Variants in RORA observed in about 807,000 individuals in gnomAD.
RORA encodes the protein nuclear receptor ROR-alpha.
Under a neutral mutation model 69.5 loss-of-function variants are expected in RORA, and 7 were observed. The ratio of observed to expected loss-of-function variants is 0.10; its 90% CI spans 0.06 to 0.19. The LOEUF is 0.19. RORA is among the 10% of genes least tolerant of loss of function. RORA has a pLI of 1.00. For missense variants in RORA, 457 were observed against 663.0 expected (o/e 0.69, Z 3.41); for synonymous variants, 261 against 240.8 (o/e 1.08, Z -0.78).
intron 1 of RORA, among the ~76,000 whole-genome samples, chr15:60,823,836 A>G (rs891649625): frequency 2.6e-5 from 4 of 152,330 alleles, no homozygotes; most frequent in South Asian, 2.1e-4. Flanking sequence ...AACTTTGGCC[A>G]TAAGTGTGGC....
intron 1 of RORA, among the ~76,000 whole-genome samples, chr15:61,122,614 C>A (rs568890807): frequency 6.6e-6 from 1 of 151,996 alleles, no homozygotes; most frequent in Non-Finnish European, 1.5e-5. Flanking sequence ...CACTTTTTTT[C>A]AGATGAAAAA....
intron 1 of RORA, among the ~76,000 whole-genome samples, chr15:60,889,272 GGACT>G (rs1232534449): frequency 6.6e-6 from 1 of 151,552 alleles, no homozygotes; most frequent in Admixed American, 6.6e-5. Context: ...GCTTGTGCAG[GGACT>G]GACATCTAGG....
At chr15:60,850,172 C>T (rs546691120) in intron 1 of RORA, among the ~76,000 whole-genome samples, 10 of 152,280 alleles carry the variant, frequency 6.6e-5, no homozygotes, top group African/African-American at 1.7e-4. Context: ...CAGGCTGATG[C>T]CCTCACTCAT....
At chr15:60,501,177 A>G (rs2065319732) in intron 8 of RORA, 108 bp from the exon 9 acceptor site, 2 of 676,846 alleles carry the variant, frequency 3.0e-6, no homozygotes, top group Non-Finnish European at 5.3e-6. Flanking sequence ...AGAAGGTCTT[A>G]GGAGAAAAAC....
intron 1 of RORA, among the ~76,000 whole-genome samples, chr15:61,208,321 G>T (rs2079960225): frequency 1.3e-5 from 2 of 152,172 alleles, no homozygotes; most frequent in Admixed American, 6.6e-5. Flanking sequence ...CATAGTATAT[G>T]ATTCCACTTA....
chr15:60,819,527 G>A (rs2072860188), intron 1 of RORA, among the ~76,000 whole-genome samples: 1 of 152,146 alleles, frequency 6.6e-6, no homozygotes, highest in Non-Finnish European at 1.5e-5. Context: ...AAATGCAAAT[G>A]AGGTCAAGTT....
intron 1 of RORA, among the ~76,000 whole-genome samples, chr15:61,017,034 CATT>C (rs1319962319): frequency 6.6e-6 from 1 of 152,092 alleles, no homozygotes; most frequent in African/African-American, 2.4e-5. Context: ...TTATTATTAT[CATT>C]GATTACCATT....
chr15:60,896,210 C>A (rs1452622489), intron 1 of RORA, among the ~76,000 whole-genome samples: 2 of 152,162 alleles, frequency 1.3e-5, no homozygotes, highest in Non-Finnish European at 2.9e-5. Flanking sequence ...CTGGCAAGGC[C>A]ATTTTCCTGT....
At chr15:61,043,967 G>C (rs1896906673) in intron 1 of RORA, among the ~76,000 whole-genome samples, 1 of 152,094 alleles carries the variant, frequency 6.6e-6, no homozygotes, top group African/African-American at 2.4e-5. Flanking sequence ...GCAAAGCTGT[G>C]CTCAAAGGAT....
intron 1 of RORA, among the ~76,000 whole-genome samples, chr15:61,089,902 A>G (rs2078680646): frequency 6.6e-6 from 1 of 152,192 alleles, no homozygotes. Context: ...CCCAATTACC[A>G]GGCCAATGAC....
chr15:60,672,737 T>C (rs1030282649), intron 2 of RORA, among the ~76,000 whole-genome samples: 1 of 152,230 alleles, frequency 6.6e-6, no homozygotes, highest in East Asian at 1.9e-4. Flanking sequence ...CTAAAGCTGA[T>C]GAGCAGATTA....
intron 1 of RORA, among the ~76,000 whole-genome samples, chr15:61,072,401 T>C (rs2078380444): frequency 6.6e-6 from 1 of 152,094 alleles, no homozygotes; most frequent in Non-Finnish European, 1.5e-5. Flanking sequence ...GTGATGGAGG[T>C]AAAACTATTC....
chr15:60,723,774 C>A (rs190202016), intron 1 of RORA, among the ~76,000 whole-genome samples: 1 of 152,278 alleles, frequency 6.6e-6, no homozygotes, highest in Admixed American at 6.5e-5. Context: ...TTACTACATG[C>A]AAGATCTTGC....
chr15:60,733,319 G>T (rs997818842), intron 1 of RORA, among the ~76,000 whole-genome samples: 2 of 152,186 alleles, frequency 1.3e-5, no homozygotes, highest in Non-Finnish European at 2.9e-5. Flanking sequence ...ATGGGAATAA[G>T]GACAGTGGAG....
At chr15:60,898,634 G>T (rs1467654639) in intron 1 of RORA, among the ~76,000 whole-genome samples, 1 of 151,994 alleles carries the variant, frequency 6.6e-6, no homozygotes, top group African/African-American at 2.4e-5. Context: ...AGGAGTTTGA[G>T]GCTGCAGTGA....
chr15:60,503,705 G>T, intron 6 of RORA, 38 bp from the exon 7 acceptor site: 2 of 1,608,724 alleles, frequency 1.2e-6, no homozygotes, highest in Non-Finnish European at 1.7e-6. Context: ...CCTCCAGGAA[G>T]ATGTTAGCTT....
intron 2 of RORA, among the ~76,000 whole-genome samples, chr15:60,566,692 T>C (rs1284109996): frequency 6.6e-6 from 1 of 152,178 alleles, no homozygotes; most frequent in East Asian, 1.9e-4. Context: ...TTCGGGAAGA[T>C]TATTTGTCAT....
At chr15:61,121,509 A>G (rs1316470509) in intron 1 of RORA, among the ~76,000 whole-genome samples, 1 of 152,170 alleles carries the variant, frequency 6.6e-6, no homozygotes, top group East Asian at 1.9e-4. Context: ...TGCCCCTTGA[A>G]ACCCTTAGCT....
At chr15:61,208,251 T>C (rs904794213) in intron 1 of RORA, among the ~76,000 whole-genome samples, 3 of 152,234 alleles carry the variant, frequency 2.0e-5, no homozygotes, top group African/African-American at 4.8e-5. Context: ...ATCCATTTTA[T>C]GACATAGACA....
Sources: allele counts gnomAD v4.1 joint callset (sites outside exome capture counted in the v4.1 genomes callset), GRCh38; gene constraint gnomAD v4.1.1; transcripts MANE v1.5; gene names NCBI Gene and HGNC (gene_info 2026-07-23, HGNC 2026-07-21).